The following NXPE2 variants were observed in gnomAD, a reference collection of about 807,000 sequenced individuals.
The protein encoded by NXPE2 is NXPE family member 2.
NXPE2 carries 34 observed loss-of-function variants against 34.4 expected under a neutral mutation model. The observed-to-expected ratio is 0.99, with a 90% confidence interval of 0.75 to 1.31. The LOEUF (loss-of-function observed/expected upper bound fraction) is 1.31, where lower values mean the gene tolerates loss of function less well. Among genes scored for constraint, NXPE2 ranks in the 40% most tolerant of loss-of-function variants. The probability of loss-of-function intolerance (pLI) is 0.00; values close to 1 mark genes in which losing one functional copy is unlikely to be tolerated. For synonymous variants in NXPE2, 235 were observed against 231.3 expected (o/e 1.02, Z -0.15); for missense variants, 649 against 672.5 (o/e 0.97, Z 0.39).
At chr11:114,686,179 T>A (rs899995249) in intron 2 of NXPE2, among the ~76,000 whole-genome samples, 2 of 152,130 alleles carry the variant, frequency 1.3e-5, no homozygotes, top group African/African-American at 4.8e-5. Flanking sequence ...ATGGGTATAT[T>A]GCATGATGAT....
At chr11:114,565,593 A>C in the NXPE2 span, among the ~76,000 whole-genome samples, 2 of 152,202 alleles carry the variant, frequency 1.3e-5, no homozygotes, top group African/African-American at 4.8e-5. Context: ...AAAAGGAAAC[A>C]GTGAAGTAAT....
the NXPE2 span, among the ~76,000 whole-genome samples, chr11:114,748,627 T>C: frequency 2.0e-5 from 3 of 152,206 alleles, no homozygotes; most frequent in Non-Finnish European, 4.4e-5. Context: ...TAGATTCAAG[T>C]TGTACATTTT....
chr11:114,806,249 AC>A, the NXPE2 span, among the ~76,000 whole-genome samples: 2 of 152,198 alleles, frequency 1.3e-5, no homozygotes, highest in African/African-American at 4.8e-5. Flanking sequence ...TGGGAAAAAA[AC>A]AGAGCAGAAA....
At chr11:114,705,656 A>G (rs1712840) in intron 4 of NXPE2, 125 bp from the exon 5 acceptor site, 504,907 of 548,958 alleles carry the variant, frequency 0.92, 232,398 homozygotes, top group Non-Finnish European at 0.92. Context: ...GAAGAGAGGA[A>G]GGCAAAATAG....
At chr11:114,653,187 TA>T in the NXPE2 span, among the ~76,000 whole-genome samples, 2 of 152,218 alleles carry the variant, frequency 1.3e-5, no homozygotes, top group Non-Finnish European at 2.9e-5. Flanking sequence ...AAAGGGTTTT[TA>T]AAACAAAACA....
the NXPE2 span, among the ~76,000 whole-genome samples, chr11:114,606,330 T>C: frequency 6.6e-6 from 1 of 151,718 alleles, no homozygotes; most frequent in Non-Finnish European, 1.5e-5. Flanking sequence ...CAGTGGATAA[T>C]AAGTGTTACC....
chr11:114,792,186 TA>T, the NXPE2 span, among the ~76,000 whole-genome samples: 2 of 152,202 alleles, frequency 1.3e-5, no homozygotes, highest in Non-Finnish European at 2.9e-5. Context: ...TTGGCAGATT[TA>T]AAAAGGGGTA....
the NXPE2 span, among the ~76,000 whole-genome samples, chr11:114,725,627 C>G: frequency 2.3e-3 from 348 of 152,110 alleles, 1 homozygote; most frequent in African/African-American, 8.1e-3. Flanking sequence ...CCCTTTCTCT[C>G]TCACTCCCCA....
chr11:114,772,270 T>G, the NXPE2 span, among the ~76,000 whole-genome samples: 1 of 152,148 alleles, frequency 6.6e-6, no homozygotes, highest in Non-Finnish European at 1.5e-5. Flanking sequence ...ACCAATATAT[T>G]AATCCAAAAG....
At chr11:114,619,462 G>A in the NXPE2 span, among the ~76,000 whole-genome samples, 1 of 148,194 alleles carries the variant, frequency 6.7e-6, no homozygotes, top group African/African-American at 2.6e-5. Context: ...GTGTTGCCTC[G>A]TGGGTAACCA....
chr11:114,759,089 CAT>C, the NXPE2 span, among the ~76,000 whole-genome samples: 149 of 144,100 alleles, frequency 1.0e-3, no homozygotes, highest in Admixed American at 8.7e-3. Context: ...CATGCGTACA[CAT>C]GCGCACACAC....
At chr11:114,467,108 A>G in the NXPE2 span, among the ~76,000 whole-genome samples, 1 of 152,204 alleles carries the variant, frequency 6.6e-6, no homozygotes, top group Non-Finnish European at 1.5e-5. Context: ...AGTGATTTCA[A>G]TATACTGTGC....
intron 1 of NXPE2, among the ~76,000 whole-genome samples, chr11:114,678,813 G>A (rs1352516738): frequency 6.6e-6 from 1 of 151,882 alleles, no homozygotes; most frequent in Non-Finnish European, 1.5e-5. Flanking sequence ...TGTGTGCAGT[G>A]TAGATAGTAT....
At chr11:114,486,450 G>A in the NXPE2 span, among the ~76,000 whole-genome samples, 1 of 152,154 alleles carries the variant, frequency 6.6e-6, no homozygotes, top group Admixed American at 6.5e-5. Context: ...TCTGTGGGTT[G>A]TCTCTTCACT....
chr11:114,740,507 G>T, the NXPE2 span, among the ~76,000 whole-genome samples: 2 of 152,110 alleles, frequency 1.3e-5, no homozygotes, highest in African/African-American at 4.8e-5. Flanking sequence ...GGGTCATATT[G>T]TGTCTCTAGT....
the NXPE2 span, among the ~76,000 whole-genome samples, chr11:114,618,725 C>T: frequency 6.6e-6 from 1 of 151,996 alleles, no homozygotes; most frequent in African/African-American, 2.4e-5. Context: ...AATTCTTACC[C>T]TGTGGAAAAT....
chr11:114,578,764 C>T, the NXPE2 span, among the ~76,000 whole-genome samples: 1 of 152,140 alleles, frequency 6.6e-6, no homozygotes, highest in East Asian at 1.9e-4. Flanking sequence ...GGTCTACTAG[C>T]AAATTCTGAG....
chr11:114,521,368 A>AATCT, the NXPE2 span, among the ~76,000 whole-genome samples: 1 of 152,180 alleles, frequency 6.6e-6, no homozygotes, highest in Non-Finnish European at 1.5e-5. Context: ...TGCTAAAACT[A>AATCT]ATCTATCTAT....
chr11:114,626,221 C>T, the NXPE2 span, among the ~76,000 whole-genome samples: 125 of 152,298 alleles, frequency 8.2e-4, no homozygotes, highest in South Asian at 2.5e-3. Context: ...CCTCTGGGGG[C>T]AGGGCACAGA....
Sources: gnomAD v4.1 joint callset for allele counts (sites outside exome capture counted in the v4.1 genomes callset) on GRCh38, gnomAD v4.1.1 for gene constraint, MANE v1.5 for transcripts, NCBI Gene and HGNC (gene_info 2026-07-23, HGNC 2026-07-21) for gene names.